LRRC37A2: variants seen among roughly 807,000 people sequenced by gnomAD.
The protein encoded by LRRC37A2 is leucine-rich repeat-containing protein 37A2.
Under a neutral mutation model 68.8 loss-of-function variants are expected in LRRC37A2, and 9 were observed. That is an observed-to-expected ratio of 0.13 (90% CI 0.08 to 0.23). The LOEUF is 0.23. LRRC37A2 is among the 10% of genes least tolerant of loss of function. The pLI is 1.00. For missense variants in LRRC37A2, 168 were observed against 950.4 expected (o/e 0.18, Z 10.82); for synonymous variants, 63 against 367.6 (o/e 0.17, Z 9.48).
the LRRC37A2 span, among the ~76,000 whole-genome samples, chr17:46,983,328 G>A: frequency 8.6e-6 from 1 of 116,210 alleles, no homozygotes; most frequent in Non-Finnish European, 1.6e-5. Flanking sequence ...ACGGAGTCTC[G>A]CTATGTCACC....
chr17:46,979,997 A>C, the LRRC37A2 span, among the ~76,000 whole-genome samples: 1 of 152,060 alleles, frequency 6.6e-6, no homozygotes, highest in Non-Finnish European at 1.5e-5. Context: ...ACTGCCTCCC[A>C]ACCTTTCCTC....
intron 8 of LRRC37A2, among the ~76,000 whole-genome samples, chr17:46,543,415 T>C (rs62073327): frequency 0.1 from 14,000 of 139,818 alleles, no homozygotes; most frequent in Middle Eastern, 0.17. Flanking sequence ...AATCATGTAC[T>C]AAGTGTAATG....
At chr17:46,669,214 GA>G in the LRRC37A2 span, among the ~76,000 whole-genome samples, 26 of 31,972 alleles carry the variant, frequency 8.1e-4, no homozygotes, top group Middle Eastern at 8.8e-3. Flanking sequence ...AACTGAATAA[GA>G]ATCTACACCT....
At chr17:46,472,923 A>AATATATAT in the LRRC37A2 span, among the ~76,000 whole-genome samples, 1 of 64,160 alleles carries the variant, frequency 1.6e-5, no homozygotes, top group African/African-American at 5.2e-5. Context: ...TCAAAAAAAA[A>AATATATAT]ATATATATAT....
chr17:46,900,158 T>TATATAC, the LRRC37A2 span, among the ~76,000 whole-genome samples: 1 of 63,184 alleles, frequency 1.6e-5, no homozygotes, highest in African/African-American at 6.6e-5. Context: ...TTTCTATATA[T>TATATAC]ATACATATAC....
At chr17:46,912,522 T>A in the LRRC37A2 span, among the ~76,000 whole-genome samples, 56,489 of 152,044 alleles carry the variant, frequency 0.37, 10,558 homozygotes, top group South Asian at 0.47. Flanking sequence ...TATGGCTACA[T>A]GAGACAATTT....
At chr17:46,965,972 G>T in the LRRC37A2 span, among the ~76,000 whole-genome samples, 1 of 151,950 alleles carries the variant, frequency 6.6e-6, no homozygotes, top group African/African-American at 2.4e-5. Flanking sequence ...TTATAATGAT[G>T]CAGGGCTGGA....
chr17:46,708,709 GT>G, the LRRC37A2 span, among the ~76,000 whole-genome samples: 2 of 147,948 alleles, frequency 1.4e-5, no homozygotes, highest in African/African-American at 5.0e-5. Context: ...GGCCAGGCTG[GT>G]TTCAAACTCC....
At chr17:46,711,624 C>T in the LRRC37A2 span, among the ~76,000 whole-genome samples, 3 of 152,104 alleles carry the variant, frequency 2.0e-5, no homozygotes, top group African/African-American at 7.2e-5. Flanking sequence ...CCTTGAAAGA[C>T]CAGTTAGGAT....
the LRRC37A2 span, among the ~76,000 whole-genome samples, chr17:46,961,538 TA>T: frequency 1.3e-5 from 2 of 151,914 alleles, no homozygotes; most frequent in African/African-American, 2.4e-5. Context: ...CTGCCTCTGT[TA>T]AAAAAAGAAG....
chr17:46,840,521 A>G, the LRRC37A2 span, among the ~76,000 whole-genome samples: 2 of 152,216 alleles, frequency 1.3e-5, no homozygotes, highest in South Asian at 2.1e-4. Flanking sequence ...TTGTGTACAT[A>G]CCCAGTAATG....
chr17:46,883,692 G>A, the LRRC37A2 span, among the ~76,000 whole-genome samples: 2 of 152,136 alleles, frequency 1.3e-5, no homozygotes, highest in African/African-American at 2.4e-5. Flanking sequence ...GCCTCTTCCC[G>A]GGGAGTGCTG....
the LRRC37A2 span, among the ~76,000 whole-genome samples, chr17:46,847,307 G>A: frequency 1.3e-5 from 2 of 152,308 alleles, no homozygotes; most frequent in South Asian, 2.1e-4. Flanking sequence ...TTCCATCCCC[G>A]AGAGCCAGTG....
At chr17:46,820,721 G>A in the LRRC37A2 span, among the ~76,000 whole-genome samples, 1 of 152,174 alleles carries the variant, frequency 6.6e-6, no homozygotes. Flanking sequence ...CCTCCCTCTT[G>A]GATGGAGGCC....
chr17:46,779,069 A>T, the LRRC37A2 span, among the ~76,000 whole-genome samples: 1 of 142,774 alleles, frequency 7.0e-6, no homozygotes, highest in Admixed American at 7.2e-5. Context: ...ACACACACAC[A>T]CACACACACA....
the LRRC37A2 span, among the ~76,000 whole-genome samples, chr17:46,900,202 TACACACACAC>T: frequency 2.0e-5 from 2 of 101,170 alleles, no homozygotes; most frequent in African/African-American, 1.0e-4. Context: ...TATATATATA[TACACACACAC>T]ACACACACAT....
chr17:46,706,926 C>T, the LRRC37A2 span, among the ~76,000 whole-genome samples: 8 of 146,102 alleles, frequency 5.5e-5, no homozygotes, highest in South Asian at 2.3e-4. Flanking sequence ...TCTCAGCTCA[C>T]TGCAACCTCC....
chr17:46,714,218 C>T, the LRRC37A2 span, among the ~76,000 whole-genome samples: 2 of 152,060 alleles, frequency 1.3e-5, no homozygotes, highest in Non-Finnish European at 2.9e-5. Context: ...TTGTTTAATA[C>T]ATATTAAGTT....
At chr17:47,018,956 A>G in the LRRC37A2 span, 1 of 1,519,722 alleles carries the variant, frequency 6.6e-7, no homozygotes, top group South Asian at 1.1e-5. Context: ...ATCAAGGGGT[A>G]ACAAATCCAA....
Sources: gnomAD v4.1 joint callset for allele counts (sites outside exome capture counted in the v4.1 genomes callset) on GRCh38, gnomAD v4.1.1 for gene constraint, MANE v1.5 for transcripts, NCBI Gene and HGNC (gene_info 2026-07-23, HGNC 2026-07-21) for gene names.